STIMATE: variants seen among roughly 807,000 people sequenced by gnomAD.
STIMATE encodes STIM activating enhancer.
In STIMATE, 15 loss-of-function variants were observed where a neutral mutation model predicts 36.7. That is an observed-to-expected ratio of 0.41 (90% CI 0.27 to 0.63). The LOEUF (loss-of-function observed/expected upper bound fraction) is 0.63, where lower values mean the gene tolerates loss of function less well. STIMATE is among the 20% of genes least tolerant of loss of function. The pLI, the probability that STIMATE is intolerant of heterozygous loss-of-function variation, is 0.32. For missense variants in STIMATE, 305 were observed against 397.3 expected (o/e 0.77, Z 1.98); for synonymous variants, 163 against 162.3 (o/e 1.00, Z -0.03).
chr3:52,849,322 C>T (rs1700958839), intron 4 of STIMATE, among the ~76,000 whole-genome samples: 1 of 152,184 alleles, frequency 6.6e-6, no homozygotes, highest in Non-Finnish European at 1.5e-5. Context: ...TGTGGAATGG[C>T]CTAGCAACAG....
intron 4 of STIMATE, among the ~76,000 whole-genome samples, chr3:52,847,841 CA>C (rs1443131097): frequency 6.6e-6 from 1 of 152,156 alleles, no homozygotes; most frequent in African/African-American, 2.4e-5. Flanking sequence ...ATCACAAGGA[CA>C]CTTTAAAGTA....
chr3:52,875,177 T>TA (rs1056804311), intron 1 of STIMATE, among the ~76,000 whole-genome samples: 1 of 152,230 alleles, frequency 6.6e-6, no homozygotes, highest in Non-Finnish European at 1.5e-5. Context: ...TACTTTTTTG[T>TA]ATTCCCCAGT....
chr3:52,874,344 A>G (rs1701463031), intron 1 of STIMATE, among the ~76,000 whole-genome samples: 1 of 152,218 alleles, frequency 6.6e-6, no homozygotes, highest in Admixed American at 6.5e-5. Context: ...GGGGGGAAAA[A>G]AGCAAATCAT....
In STIMATE at chr3:52,840,596, C is replaced by T. The variant is rs769860078; in HGVS notation, c.783G>A (p.Ala261=). 5 of 1,613,476 alleles carry T rather than the reference C, an allele frequency of 3.1e-6. No homozygotes were observed. Among genetic ancestry groups the T allele is most frequent in the African/African-American group, 1.3e-5 (1 of 74,986 alleles). Reference sequence around the variant, plus strand: ...CGTCGGACTCCTCCATCTCATCATCCGCTGAGATCAGGATCTGAGGCAGTA... The same window carrying T: ...CGTCGGACTCCTCCATCTCATCATCTGCTGAGATCAGGATCTGAGGCAGTA... ...EESESEILIS[A]DDEMEESDVE... is the part of the protein sequence containing the mutation. Residue 261 remains alanine (A), a synonymous_variant, in exon 8 of 8, where the codon GCG becomes GCA. Coordinates refer to ENST00000355083, the MANE Select transcript of STIMATE (RefSeq NM_198563.5).
chr3:52,867,418 G>C (rs895381054), intron 1 of STIMATE, among the ~76,000 whole-genome samples: 4 of 152,234 alleles, frequency 2.6e-5, no homozygotes, highest in Admixed American at 1.3e-4. Flanking sequence ...TGCATGAGCA[G>C]GTTTCCCAAC....
Position 52,849,660 on chromosome 3 carries a change from C to T in STIMATE, c.427+132G>A, listed in dbSNP as rs141693334. ...GTGCTCAAACCCAGAACAGCCCCCTCTACCACACAGAGAAGACAATGGCAG... is the reference window on the plus strand; with the variant it reads ...GTGCTCAAACCCAGAACAGCCCCCTTTACCACACAGAGAAGACAATGGCAG... On this transcript the variant is annotated intron_variant, in intron 4 of 7. Transcript: ENST00000355083. 2.7e-4 allele frequency: 392 copies of T among 1,444,908 alleles called. 2 individuals carry two copies. Among genetic ancestry groups the T allele is most frequent in the South Asian group, 1.9e-3 (136 of 70,384 alleles). 89.5% of individuals were successfully genotyped at this position (1,444,908 alleles called of 1,614,324 possible).
At chr3:52,840,697 CATG>C in intron 7 of STIMATE, 87 bp from the exon 8 acceptor site, 1 of 1,004,848 alleles carries the variant, frequency 1.0e-6, no homozygotes, top group Non-Finnish European at 1.4e-6. Context: ...CTTCAAGTCT[CATG>C]TTTTTTTTTT....
chr3:52,894,275 G>A (rs75646665), intron 1 of STIMATE, among the ~76,000 whole-genome samples: 2,631 of 152,222 alleles, frequency 0.017, 73 homozygotes, highest in African/African-American at 0.059. Context: ...TAGGAAGCCC[G>A]CCAACTCAAC....
intron 1 of STIMATE, among the ~76,000 whole-genome samples, chr3:52,873,095 A>G (rs1701436747): frequency 6.6e-6 from 1 of 152,234 alleles, no homozygotes; most frequent in Admixed American, 6.5e-5. Context: ...AATAAATAAC[A>G]AAAACAAAAA....
chr3:52,869,517 C>T (rs1701366273), intron 1 of STIMATE, among the ~76,000 whole-genome samples: 1 of 152,238 alleles, frequency 6.6e-6, no homozygotes, highest in South Asian at 2.1e-4. Context: ...TCTTGCTTAG[C>T]TCCCTGCAAT....
At chr3:52,855,291 C>T in intron 2 of STIMATE, 105 bp downstream of exon 2, 1 of 1,368,366 alleles carries the variant, frequency 7.3e-7, no homozygotes, top group Non-Finnish European at 1.0e-6. Flanking sequence ...TATCATTTCT[C>T]ACATTCCATG....
At chr3:52,840,684 G>A (rs1186971048) in intron 7 of STIMATE, 74 bp from the exon 8 acceptor site, 2 of 1,406,798 alleles carry the variant, frequency 1.4e-6, no homozygotes, top group Non-Finnish European at 9.6e-7. Context: ...TGGACCCTGG[G>A]CCCTTCAAGT....
intron 1 of STIMATE, among the ~76,000 whole-genome samples, chr3:52,875,081 C>T (rs1701477949): frequency 6.6e-6 from 1 of 152,180 alleles, no homozygotes; most frequent in African/African-American, 2.4e-5. Context: ...CACTGCTGCG[C>T]TGTTATCTAT....
chr3:52,864,313 C>T (rs534045790), intron 1 of STIMATE, among the ~76,000 whole-genome samples: 10 of 152,348 alleles, frequency 6.6e-5, no homozygotes, highest in African/African-American at 2.4e-4. Flanking sequence ...GAAGCTGCCA[C>T]AGTTTGGAGC....
Position 52,890,070 on chromosome 3 carries a change from G to A in STIMATE, c.160+7221C>T, listed in dbSNP as rs575404585. ...GAGCCCTTAGCCTGGTGCTCAGGTGGAGCTTCCTCAGGGACACTTCCTCGA... is the reference window on the plus strand; with the variant it reads ...GAGCCCTTAGCCTGGTGCTCAGGTGAAGCTTCCTCAGGGACACTTCCTCGA... On this transcript the variant is annotated intron_variant, in intron 1 of 7. Coordinates refer to ENST00000355083, the MANE Select transcript of STIMATE (RefSeq NM_198563.5). Among the ~76,000 whole-genome samples the A allele has an allele frequency of 3.3e-5, 5 of 152,250 alleles. No homozygotes were observed. In the East Asian group the frequency reaches 9.7e-4, roughly 29 times the overall value.
chr3:52,866,098 A>C (rs1575337727), intron 1 of STIMATE, among the ~76,000 whole-genome samples: 1 of 152,114 alleles, frequency 6.6e-6, no homozygotes, highest in African/African-American at 2.4e-5. Flanking sequence ...GTGTGGGCCC[A>C]TATCTGAGGG....
intron 1 of STIMATE, among the ~76,000 whole-genome samples, chr3:52,870,662 C>T (rs943543453): frequency 4.6e-5 from 7 of 152,172 alleles, no homozygotes; most frequent in African/African-American, 1.4e-4. Flanking sequence ...AGGGTGGCCC[C>T]ATGGGAGGCA....
At chr3:52,847,784 C>T (rs1348892871) in intron 4 of STIMATE, among the ~76,000 whole-genome samples, 1 of 152,170 alleles carries the variant, frequency 6.6e-6, no homozygotes, top group East Asian at 1.9e-4. Context: ...AGTCAGCTGA[C>T]TTTAAGACAG....
At chr3:52,841,360 G>C (rs993550739) in intron 7 of STIMATE, among the ~76,000 whole-genome samples, 1 of 152,244 alleles carries the variant, frequency 6.6e-6, no homozygotes, top group African/African-American at 2.4e-5. Flanking sequence ...GGAGTTCAGC[G>C]TGGCTGCTCT....
Sources: allele counts gnomAD v4.1 joint callset (sites outside exome capture counted in the v4.1 genomes callset), GRCh38; gene constraint gnomAD v4.1.1; transcripts MANE v1.5; gene names NCBI Gene and HGNC (gene_info 2026-07-23, HGNC 2026-07-21).